SGCD: variants seen among roughly 807,000 people sequenced by gnomAD.
The protein encoded by SGCD is delta-sarcoglycan.
In SGCD, 18 loss-of-function variants were observed where a neutral mutation model predicts 36.6. The ratio of observed to expected loss-of-function variants is 0.49; its 90% CI spans 0.34 to 0.73. SGCD has a LOEUF of 0.73. Ranked by LOEUF, SGCD falls within the 30% of genes least tolerant of loss-of-function variation. The probability of loss-of-function intolerance (pLI) is 0.01; values close to 1 mark genes in which losing one functional copy is unlikely to be tolerated. For missense variants in SGCD, 387 were observed against 346.7 expected, an observed-to-expected ratio of 1.12 and a Z score of -0.92; for synonymous variants, 133 against 130.6, an observed-to-expected ratio of 1.02 and a Z score of -0.12.
chr5:155,736,152 A>G, the SGCD span, among the ~76,000 whole-genome samples: 1 of 152,216 alleles, frequency 6.6e-6, no homozygotes, highest in Non-Finnish European at 1.5e-5. Flanking sequence ...TCTTTATCAC[A>G]TGGTGTCAAT....
At chr5:156,183,936 A>C (rs1763669397) in intron 3 of SGCD, among the ~76,000 whole-genome samples, 1 of 152,180 alleles carries the variant, frequency 6.6e-6, no homozygotes, top group South Asian at 2.1e-4. Context: ...GCAAATACAG[A>C]TGTACCTCAG....
At chr5:156,350,427 C>A (rs776701880) in intron 3 of SGCD, among the ~76,000 whole-genome samples, 31 of 151,708 alleles carry the variant, frequency 2.0e-4, no homozygotes, top group Middle Eastern at 3.4e-3. Flanking sequence ...GTTTGTGAAA[C>A]CTTGGTGATC....
At chr5:156,596,157 G>A (rs1760918113) in intron 6 of SGCD, among the ~76,000 whole-genome samples, 1 of 152,112 alleles carries the variant, frequency 6.6e-6, no homozygotes, top group Non-Finnish European at 1.5e-5. Flanking sequence ...ACAAAATAGT[G>A]CTCAGTCAAC....
At chr5:156,290,445 C>T (rs975572798) in intron 3 of SGCD, among the ~76,000 whole-genome samples, 10 of 152,144 alleles carry the variant, frequency 6.6e-5, no homozygotes, top group Admixed American at 2.0e-4. Context: ...TCCAGTGCTG[C>T]TCCAACACTT....
chr5:155,817,347 G>A, the SGCD span, among the ~76,000 whole-genome samples: 1 of 151,008 alleles, frequency 6.6e-6, no homozygotes, highest in Non-Finnish European at 1.5e-5. Flanking sequence ...CTGCCATTCT[G>A]ATATTAGGGT....
intron 1 of SGCD, among the ~76,000 whole-genome samples, chr5:156,043,383 G>T (rs559176568): frequency 1.3e-5 from 2 of 152,206 alleles, no homozygotes; most frequent in Non-Finnish European, 2.9e-5. Flanking sequence ...TGGAAAATTA[G>T]GCAATTTCTC....
At chr5:156,425,832 T>C (rs1773649762) in intron 3 of SGCD, among the ~76,000 whole-genome samples, 1 of 152,130 alleles carries the variant, frequency 6.6e-6, no homozygotes, top group Non-Finnish European at 1.5e-5. Context: ...ATTATTGAAT[T>C]ACTTCAGTTA....
intron 7 of SGCD, among the ~76,000 whole-genome samples, chr5:156,649,795 G>C (rs1012866379): frequency 6.6e-6 from 1 of 152,002 alleles, no homozygotes; most frequent in Non-Finnish European, 1.5e-5. Flanking sequence ...ACACCAACAT[G>C]GCACATGTAT....
chr5:156,279,778 A>G (rs981827621), intron 3 of SGCD, among the ~76,000 whole-genome samples: 2 of 152,142 alleles, frequency 1.3e-5, no homozygotes, highest in Admixed American at 1.3e-4. Flanking sequence ...GCCCCTTTCT[A>G]CATGACTCCC....
intron 3 of SGCD, among the ~76,000 whole-genome samples, chr5:156,420,719 G>A (rs1773263022): frequency 6.6e-6 from 1 of 152,128 alleles, no homozygotes; most frequent in Non-Finnish European, 1.5e-5. Context: ...TCTTTACTGT[G>A]TAATTGCTAA....
rs1054727481 is a variant in SGCD at position 155,898,887 on chromosome 5, T to C, written c.-282+28463T>C. ...GATGCTGCTAACCAGGTATCTCTTA[T>C]GTTTCCCTGGCTAGATGTGGCTCAC... On this transcript the variant is annotated intron_variant, in intron 1 of 9. Coordinates refer to the SGCD transcript ENST00000517913. Among the ~76,000 whole-genome samples, 7 of 152,342 alleles carry C rather than the reference T, an allele frequency of 4.6e-5. No individual in the cohort carries two copies. In the South Asian group the frequency reaches 1.4e-3, roughly 32 times the overall value.
chr5:156,558,563 G>C (rs1160848291), intron 4 of SGCD, among the ~76,000 whole-genome samples: 1 of 151,984 alleles, frequency 6.6e-6, no homozygotes, highest in Non-Finnish European at 1.5e-5. Context: ...ACTCACCGGG[G>C]GTAGAAAGAT....
intron 1 of SGCD, among the ~76,000 whole-genome samples, chr5:155,900,699 G>A (rs1240961682): frequency 6.6e-6 from 1 of 151,410 alleles, no homozygotes; most frequent in Admixed American, 6.6e-5. Flanking sequence ...AACTGTCCTA[G>A]TAAGAATTCT....
intron 4 of SGCD, among the ~76,000 whole-genome samples, chr5:156,567,563 A>G (rs533957122): frequency 6.6e-6 from 1 of 152,278 alleles, no homozygotes; most frequent in Admixed American, 6.5e-5. Context: ...CCTTTTGCCC[A>G]GGGAAGGTCA....
chr5:156,629,289 G>C (rs568198487), intron 6 of SGCD, among the ~76,000 whole-genome samples: 1 of 152,188 alleles, frequency 6.6e-6, no homozygotes, highest in Non-Finnish European at 1.5e-5. Flanking sequence ...GACTTGAGCA[G>C]GATTGCTGAT....
At chr5:156,681,117 G>T (rs1753703872) in intron 7 of SGCD, among the ~76,000 whole-genome samples, 1 of 152,214 alleles carries the variant, frequency 6.6e-6, no homozygotes. Context: ...ATCAGTAGGG[G>T]ATCAGGGTGG....
At chr5:156,204,221 G>A (rs1415655381) in intron 3 of SGCD, among the ~76,000 whole-genome samples, 1 of 152,028 alleles carries the variant, frequency 6.6e-6, no homozygotes, top group Non-Finnish European at 1.5e-5. Context: ...GCTTAAGAGT[G>A]AGGAAATTTT....
upstream of SGCD, among the ~76,000 whole-genome samples, chr5:155,869,802 C>A (rs527462964): frequency 6.6e-6 from 1 of 152,240 alleles, no homozygotes; most frequent in South Asian, 2.1e-4. Flanking sequence ...AGATCGAGAC[C>A]AGCCTGACCA....
the SGCD span, among the ~76,000 whole-genome samples, chr5:155,768,131 G>A: frequency 6.6e-6 from 1 of 152,090 alleles, no homozygotes; most frequent in Non-Finnish European, 1.5e-5. Context: ...AAAAATAGGT[G>A]AGGGGAAAGC....
Sources: gnomAD v4.1 joint callset for allele counts (sites outside exome capture counted in the v4.1 genomes callset) on GRCh38, gnomAD v4.1.1 for gene constraint, MANE v1.5 for transcripts, NCBI Gene and HGNC (gene_info 2026-07-23, HGNC 2026-07-21) for gene names.